Variants in CRTAC1 observed in about 807,000 individuals in gnomAD.
CRTAC1 encodes the protein cartilage acidic protein 1, also known as acidic secreted protein in cartilage.
Under a neutral mutation model 67.8 loss-of-function variants are expected in CRTAC1, and 37 were observed. The ratio of observed to expected loss-of-function variants is 0.55; its 90% CI spans 0.42 to 0.72. The LOEUF (loss-of-function observed/expected upper bound fraction) is 0.72. Among genes scored for constraint, CRTAC1 ranks in the 30% least tolerant of loss-of-function variants. CRTAC1 has a pLI of 0.00. For missense variants in CRTAC1, 780 were observed against 931.6 expected (o/e 0.84, Z 2.12); for synonymous variants, 348 against 371.0 (o/e 0.94, Z 0.71).
At chr10:97,992,710 T>C (rs1177424866) in intron 2 of CRTAC1, among the ~76,000 whole-genome samples, 1 of 152,186 alleles carries the variant, frequency 6.6e-6, no homozygotes, top group Admixed American at 6.5e-5. Flanking sequence ...AAATACCACA[T>C]AATCTTACCT....
At chr10:97,967,930 G>T (rs1324544257) in intron 2 of CRTAC1, among the ~76,000 whole-genome samples, 1 of 152,184 alleles carries the variant, frequency 6.6e-6, no homozygotes, top group Non-Finnish European at 1.5e-5. Flanking sequence ...CTTCCCGGGG[G>T]CATTCTTTGT....
intron 2 of CRTAC1, among the ~76,000 whole-genome samples, chr10:97,952,686 C>T (rs905041154): frequency 6.6e-5 from 10 of 152,082 alleles, no homozygotes; most frequent in Non-Finnish European, 1.5e-4. Flanking sequence ...GAGACCCATC[C>T]CTGGTCCTTC....
Position 97,895,195 on chromosome 10 carries a change from A to G in CRTAC1, c.1486+50T>C, listed in dbSNP as rs762747417. The G allele has an allele frequency of 1.1e-5, 17 of 1,571,176 alleles. No individual in the cohort carries two copies. The highest frequency in any genetic ancestry group is 9.0e-5 in the South Asian group (8 of 88,516). ...TGCTCGGGCTGTGAGTCCCTGAATCAGTCAGCATCCTGATAACAGCTCACT... is the reference window on the plus strand; with the variant it reads ...TGCTCGGGCTGTGAGTCCCTGAATCGGTCAGCATCCTGATAACAGCTCACT... On this transcript the variant is annotated intron_variant, in intron 11 of 14. Transcript: ENST00000370597. This position sits in a 1 kb window ranked among gnomAD's most constrained non-coding sequence, Gnocchi z 4.2.
Position 97,923,251 on chromosome 10 carries a change from C to T in CRTAC1, c.558+13G>A. The T allele has an allele frequency of 1.2e-6, 2 of 1,613,808 alleles. No individual in the cohort carries two copies. The highest frequency in any genetic ancestry group is 1.7e-6 in the Non-Finnish European group (2 of 1,179,988). ...TGGCTTCTCCCCAGGACCCCATGTG[C>T]CCCTGCACTCACCTTTCTGTCCACA... On this transcript the variant is annotated intron_variant, in intron 4 of 14. Coordinates refer to ENST00000370597, the MANE Select transcript of CRTAC1 (RefSeq NM_018058.7).
At chr10:97,892,450 G>T (rs529995438) in intron 11 of CRTAC1, among the ~76,000 whole-genome samples, 1 of 152,330 alleles carries the variant, frequency 6.6e-6, no homozygotes, top group Admixed American at 6.5e-5. Context: ...TGCTTGGCTG[G>T]CTGCACAAAG....
At chr10:97,987,787 C>T (rs1221218319) in intron 2 of CRTAC1, among the ~76,000 whole-genome samples, 3 of 152,236 alleles carry the variant, frequency 2.0e-5, no homozygotes, top group Non-Finnish European at 4.4e-5. Flanking sequence ...ATAAATGTTT[C>T]CTGAATGAGT....
At chr10:97,934,733 C>G (rs775796854) in intron 3 of CRTAC1, among the ~76,000 whole-genome samples, 1 of 152,090 alleles carries the variant, frequency 6.6e-6, no homozygotes, top group Non-Finnish European at 1.5e-5. Flanking sequence ...AAGTCTGAAC[C>G]CCAGGGCTTC....
intron 3 of CRTAC1, among the ~76,000 whole-genome samples, chr10:97,930,374 A>G (rs79710388): frequency 0.02 from 3,043 of 152,276 alleles, 94 homozygotes; most frequent in African/African-American, 0.065. Context: ...TTTGCATCCA[A>G]GTGAAATCTG....
At chr10:97,904,237 T>A (rs2050578692) in intron 7 of CRTAC1, among the ~76,000 whole-genome samples, 1 of 151,990 alleles carries the variant, frequency 6.6e-6, no homozygotes, top group Admixed American at 6.5e-5. Context: ...GCAGCCCAGC[T>A]GTAGTCCCTC....
intron 12 of CRTAC1, 25 bp from the exon 13 acceptor site, chr10:97,882,853 C>T (rs763389698): frequency 4.0e-5 from 64 of 1,613,734 alleles, no homozygotes; most frequent in Middle Eastern, 1.6e-4. Flanking sequence ...GAAGCAGAGA[C>T]ATGAGTGAGT....
chr10:97,911,682 A>G (rs972014516), intron 5 of CRTAC1, among the ~76,000 whole-genome samples: 2 of 152,250 alleles, frequency 1.3e-5, no homozygotes, highest in Non-Finnish European at 2.9e-5. Flanking sequence ...TCAAACCAAT[A>G]GAATCCACCC....
At chr10:98,019,194 G>C (rs998662881) in intron 1 of CRTAC1, among the ~76,000 whole-genome samples, 39 of 152,156 alleles carry the variant, frequency 2.6e-4, no homozygotes, top group African/African-American at 8.7e-4. Flanking sequence ...AACAGACAGA[G>C]AGCCGACTTT....
chr10:97,935,251 C>T (rs1354995253), intron 3 of CRTAC1, among the ~76,000 whole-genome samples: 1 of 152,170 alleles, frequency 6.6e-6, no homozygotes, highest in Non-Finnish European at 1.5e-5. Context: ...TTTACCAGTA[C>T]CTACTAATCG....
Position 98,019,070 on chromosome 10 carries a change from TG to T in CRTAC1, c.25-7734del, listed in dbSNP as rs199694446. On this transcript the variant is annotated intron_variant, in intron 1 of 14. Transcript: ENST00000370597. ...GGAGCACAGAGAGATGTAAGTTAGC[TG>T]GGGGGGGAGCTGGGAAGTGCTTCCT... Among the ~76,000 whole-genome samples, 9 of 150,782 alleles carry T rather than the reference TG, an allele frequency of 6.0e-5. No individual in the cohort carries two copies. In the South Asian group the frequency reaches 1.3e-3, roughly 21 times the overall value.
intron 2 of CRTAC1, among the ~76,000 whole-genome samples, chr10:97,958,077 G>A (rs893835737): frequency 1.4e-4 from 22 of 151,926 alleles, no homozygotes; most frequent in African/African-American, 4.8e-4. Flanking sequence ...TTTCTTCTTT[G>A]GCCTCTCAAA....
At chr10:97,898,187 A>T (rs2050487165) in intron 8 of CRTAC1, among the ~76,000 whole-genome samples, 1 of 152,242 alleles carries the variant, frequency 6.6e-6, no homozygotes. Flanking sequence ...CATTGAACAC[A>T]TTCTTAGGCA....
chr10:97,913,583 G>A (rs2050719327), intron 5 of CRTAC1, among the ~76,000 whole-genome samples: 1 of 152,168 alleles, frequency 6.6e-6, no homozygotes, highest in Non-Finnish European at 1.5e-5. Flanking sequence ...ATCTGTGTTT[G>A]TTTTAAAAGA....
chr10:97,930,243 G>C (rs142769753), intron 3 of CRTAC1, among the ~76,000 whole-genome samples: 2,200 of 152,314 alleles, frequency 0.014, 49 homozygotes, highest in African/African-American at 0.049. Flanking sequence ...GTTGCTCGTA[G>C]GAGGCAGTCC....
intron 3 of CRTAC1, among the ~76,000 whole-genome samples, chr10:97,927,144 C>G (rs1347729145): frequency 1.3e-5 from 2 of 152,192 alleles, no homozygotes; most frequent in Non-Finnish European, 2.9e-5. Context: ...CGTTAGCTAT[C>G]TAGAGGAGAA....
Sources: gnomAD v4.1 joint callset for allele counts (sites outside exome capture counted in the v4.1 genomes callset) on GRCh38, gnomAD v4.1.1 for gene constraint, Gnocchi (gnomAD v3.1) non-coding constraint, MANE v1.5 for transcripts, NCBI Gene and HGNC (gene_info 2026-07-23, HGNC 2026-07-21) for gene names.